Variants in HFM1 observed in about 807,000 individuals in gnomAD.
The protein encoded by HFM1 is probable ATP-dependent DNA helicase HFM1.
Under a neutral mutation model 192.1 loss-of-function variants are expected in HFM1, and 169 were observed. The observed-to-expected ratio is 0.88, with a 90% CI of 0.78 to 1.00. HFM1 has a LOEUF of 1.00. Ranked by LOEUF, HFM1 falls within the 50% of genes least tolerant of loss-of-function variation. The probability of loss-of-function intolerance (pLI) is 0.00; values close to 1 mark genes in which losing one functional copy is unlikely to be tolerated. For synonymous variants in HFM1, 525 were observed against 537.8 expected (o/e 0.98, Z 0.33); for missense variants, 1,661 against 1,668.0 (o/e 1.00, Z 0.07).
At chr1:91,288,668 A>G (rs956189357) in intron 30 of HFM1, among the ~76,000 whole-genome samples, 5 of 152,130 alleles carry the variant, frequency 3.3e-5, no homozygotes, top group African/African-American at 9.7e-5. Context: ...TGGACACAGC[A>G]CACGTTTGAG....
intron 30 of HFM1, among the ~76,000 whole-genome samples, chr1:91,294,885 C>A (rs1033398209): frequency 2.0e-5 from 3 of 152,168 alleles, no homozygotes; most frequent in Admixed American, 6.5e-5. Context: ...TGCTCTATCA[C>A]ATAATATGCA....
At chr1:91,383,538 A>C (rs1661805928) in intron 6 of HFM1, among the ~76,000 whole-genome samples, 1 of 152,164 alleles carries the variant, frequency 6.6e-6, no homozygotes, top group Non-Finnish European at 1.5e-5. Flanking sequence ...TTTCATGAGA[A>C]GTCAGGCAAG....
chr1:91,394,507 C>T, intron 3 of HFM1, 105 bp from the exon 4 acceptor site: 1 of 682,196 alleles, frequency 1.5e-6, no homozygotes, highest in Non-Finnish European at 2.4e-6. Context: ...GTATGAAAGC[C>T]AAAAGCAAAG....
At chr1:91,287,589 A>G (rs1668171391) in intron 30 of HFM1, among the ~76,000 whole-genome samples, 1 of 152,198 alleles carries the variant, frequency 6.6e-6, no homozygotes, top group Non-Finnish European at 1.5e-5. Flanking sequence ...AAAACTGGAA[A>G]CTAAAAAGCA....
In HFM1 at chr1:91,262,405, T is replaced by A. The variant is rs997135340; in HGVS notation, c.4087-13A>T. The A allele has an allele frequency of 6.3e-7, 1 of 1,581,812 alleles. No homozygotes were observed. The highest frequency in any genetic ancestry group is 8.6e-7 in the Non-Finnish European group (1 of 1,163,482). On this transcript the variant is annotated splice_polypyrimidine_tract_variant and intron_variant, in intron 37 of 38. Coordinates refer to ENST00000370425, the MANE Select transcript of HFM1 (RefSeq NM_001017975.6). ...CTTGAAAATGGACCTACATTTGAGA[T>A]AAAAAATAACAATCATTGAAAGTTT...
intron 30 of HFM1, among the ~76,000 whole-genome samples, chr1:91,297,700 G>A (rs891654470): frequency 3.3e-5 from 5 of 152,236 alleles, no homozygotes; most frequent in Non-Finnish European, 7.3e-5. Context: ...TGGACCTCCA[G>A]CAAACTCCAA....
chr1:91,344,864 A>G (rs963943368), intron 19 of HFM1, among the ~76,000 whole-genome samples: 1 of 150,730 alleles, frequency 6.6e-6, no homozygotes, highest in Admixed American at 6.6e-5. Context: ...TTCCCACCTC[A>G]GTCTCCCGAG....
intron 30 of HFM1, among the ~76,000 whole-genome samples, chr1:91,310,894 A>G (rs923377463): frequency 1.3e-5 from 2 of 152,160 alleles, no homozygotes; most frequent in African/African-American, 2.4e-5. Context: ...CAGTGTGAAA[A>G]CAGATTAATA....
chr1:91,341,800 G>C (rs1232075443), intron 20 of HFM1, among the ~76,000 whole-genome samples: 1 of 151,208 alleles, frequency 6.6e-6, no homozygotes, highest in African/African-American at 2.4e-5. Flanking sequence ...CCCAGAAACT[G>C]TTATGAACAC....
At position 91,324,873 on chromosome 1, in the gene HFM1, C is replaced by T. The variant is rs779954281; in HGVS notation, c.2336-107G>A. 10 of 702,694 alleles carry T rather than the reference C, an allele frequency of 1.4e-5. No homozygotes were observed. The East Asian group carries it at 1.9e-4, about 13-fold the overall frequency. The allele number at this position is 702,694 out of a possible 1,614,324, so 43.5% of individuals were successfully genotyped here. A position where few individuals can be genotyped will look rare whatever the true frequency, so the allele number is the denominator to read the frequency against. ...GGGGAGGAGAAGCAAGATGGTAGAA[C>T]AGAAGCCTAGACCATTGGTCCTCAC... On this transcript the variant is annotated intron_variant, in intron 20 of 38. Transcript: ENST00000370425.
At chr1:91,309,702 T>C (rs1009745299) in intron 30 of HFM1, among the ~76,000 whole-genome samples, 1 of 152,190 alleles carries the variant, frequency 6.6e-6, no homozygotes, top group African/African-American at 2.4e-5. Context: ...TTTTGAGCCA[T>C]TGAGAACCAA....
At chr1:91,360,323 C>T (rs1658326175) in intron 13 of HFM1, among the ~76,000 whole-genome samples, 3 of 152,028 alleles carry the variant, frequency 2.0e-5, no homozygotes, top group Admixed American at 2.0e-4. Flanking sequence ...CAAAGACACA[C>T]AGGCTCAAAA....
chr1:91,262,676 A>G, intron 36 of HFM1, 84 bp from the exon 37 acceptor site: 2 of 809,910 alleles, frequency 2.5e-6, no homozygotes, highest in South Asian at 1.7e-5. Flanking sequence ...TTTGGGGAAT[A>G]TGATCAAAGT....
chr1:91,302,112 G>A (rs1185084349), intron 30 of HFM1, among the ~76,000 whole-genome samples: 1 of 149,914 alleles, frequency 6.7e-6, no homozygotes, highest in Non-Finnish European at 1.5e-5. Context: ...ATCAAAAAGT[G>A]GTTCGTGAAG....
intron 17 of HFM1, among the ~76,000 whole-genome samples, chr1:91,351,112 A>G (rs1656879197): frequency 6.6e-6 from 1 of 152,036 alleles, no homozygotes; most frequent in Non-Finnish European, 1.5e-5. Flanking sequence ...GTTGAAGCGT[A>G]AATTATATCC....
chr1:91,330,261 AAAG>A lies in HFM1; in HGVS notation c.2336-5498_2336-5496del, dbSNP rs201165913. On this transcript the variant is annotated intron_variant, in intron 20 of 38. Transcript: ENST00000370425. Reference sequence around the variant, plus strand: ...TCAATAAAATTATAAAAGTAAAAAAAAAGAAGAAGAAGAAAAAGAAAATATCCA... The same window carrying A: ...TCAATAAAATTATAAAAGTAAAAAAAAAGAAGAAGAAAAAGAAAATATCCA... Among the ~76,000 whole-genome samples the A allele has an allele frequency of 5.8e-4, 89 of 152,290 alleles. 2 individuals are homozygous for A. The East Asian group carries it at 0.012, about 21-fold the overall frequency.
chr1:91,397,752 C>G (rs554352450), intron 2 of HFM1, among the ~76,000 whole-genome samples: 1 of 152,162 alleles, frequency 6.6e-6, no homozygotes, highest in Non-Finnish European at 1.5e-5. Context: ...GTCCTACTCA[C>G]GGCTACCAGG....
chr1:91,348,318 T>C (rs1200001405), intron 18 of HFM1, among the ~76,000 whole-genome samples: 3 of 152,108 alleles, frequency 2.0e-5, no homozygotes, highest in Admixed American at 1.3e-4. Flanking sequence ...TACACAAGCA[T>C]ACACCCTGAA....
chr1:91,324,950 T>C (rs1031601016), intron 20 of HFM1, among the ~76,000 whole-genome samples, 184 bp from the exon 21 acceptor site: 4 of 152,152 alleles, frequency 2.6e-5, no homozygotes, highest in Non-Finnish European at 5.9e-5. Context: ...AGCACTCTAA[T>C]TGCTTTTCTG....
Sources: gnomAD v4.1 joint callset for allele counts (sites outside exome capture counted in the v4.1 genomes callset) on GRCh38, gnomAD v4.1.1 for gene constraint, MANE v1.5 for transcripts, NCBI Gene and HGNC (gene_info 2026-07-23, HGNC 2026-07-21) for gene names.